MGAM: variants seen among roughly 807,000 people sequenced by gnomAD.
MGAM encodes the protein maltase-glucoamylase.
In MGAM, 253 loss-of-function variants were observed where a neutral mutation model predicts 358.8. The observed-to-expected ratio is 0.71, with a 90% confidence interval of 0.64 to 0.78. The LOEUF (loss-of-function observed/expected upper bound fraction) is 0.78. Among genes scored for constraint, MGAM ranks in the 30% least tolerant of loss-of-function variants. MGAM has a pLI of 0.00. For synonymous variants in MGAM, 1,105 were observed against 1,227.1 expected, an observed-to-expected ratio of 0.90 and a Z score of 2.08; for missense variants, 3,080 against 3,432.6, an observed-to-expected ratio of 0.90 and a Z score of 2.57.
chr7:142,062,699 G>A lies in MGAM; in HGVS notation c.4254G>A (p.Trp1418Ter). ...PERSLKFDGM[W>*]IDMNEPSSFV... ...GGAGCTTGAAGTTTGATGGCATGTG[G>A]ATTGTAAGTGTGTGTGTGTCTCTGT... Residue 1418 changes from tryptophan (W) to a stop codon, truncating the protein, a stop_gained, in exon 35 of 71, where the codon TGG becomes TGA. Coordinates refer to ENST00000475668, the MANE Select transcript of MGAM (RefSeq NM_001365693.1). LOFTEE classifies it high-confidence loss of function. 1 of 1,611,000 alleles carries A rather than the reference G, an allele frequency of 6.2e-7. No homozygotes were observed. The highest frequency in any genetic ancestry group is 8.5e-7 in the Non-Finnish European group (1 of 1,178,644).
At position 142,047,860 on chromosome 7, in the gene MGAM, T is replaced by C; in HGVS notation, c.2574T>C (p.Asn858=). 1 of 1,605,360 alleles carries C rather than the reference T, an allele frequency of 6.2e-7. No homozygotes were observed. Among genetic ancestry groups the C allele is most frequent in the South Asian group, 1.1e-5 (1 of 90,836 alleles). Reference sequence around the variant, plus strand: ...CAAAAGGAGAACTTTTCTGGGATAATGGGGAAACGAAGGGTGAGCACTTAT... The same window carrying C: ...CAAAAGGAGAACTTTTCTGGGATAACGGGGAAACGAAGGGTGAGCACTTAT... ...KEAKGELFWD[N]GETKDTVANK... is the part of the protein sequence containing the mutation. Residue 858 remains asparagine, a synonymous_variant, in exon 22 of 71, where the codon AAT becomes AAC. Coordinates refer to ENST00000475668, the MANE Select transcript of MGAM (RefSeq NM_001365693.1).
At chr7:142,017,429 C>T (rs1806054905) in intron 3 of MGAM, among the ~76,000 whole-genome samples, 1 of 152,014 alleles carries the variant, frequency 6.6e-6, no homozygotes, top group African/African-American at 2.4e-5. Context: ...ATGTCTCTTC[C>T]CACTTCTTGC....
chr7:142,102,758 C>A, intron 69 of MGAM, 79 bp downstream of exon 69: 1 of 1,331,244 alleles, frequency 7.5e-7, no homozygotes, highest in South Asian at 1.3e-5. Context: ...GCATAAAATA[C>A]CACCTAGAAT....
Position 142,034,670 on chromosome 7 carries a change from A to G in MGAM, c.1788A>G (p.Glu596=). The G allele has an allele frequency of 6.2e-7, 1 of 1,612,828 alleles. No individual in the cohort carries two copies. The highest frequency in any genetic ancestry group is 8.5e-7 in the Non-Finnish European group (1 of 1,179,270). The part of the protein sequence containing the change: ...YGYSMAVATA[E]AAKTVFPNKR... ...CTCCTTAAATCTCTCTCCCTTGCAG[A>G]GCTGCCAAGACTGTGTTCCCTAATA... Residue 596 remains glutamate (E), a splice_region_variant and synonymous_variant, in exon 16 of 71, where the codon GAA becomes GAG. Coordinates refer to ENST00000475668, the MANE Select transcript of MGAM (RefSeq NM_001365693.1).
rs757206388 is a variant in MGAM at position 142,058,158 on chromosome 7, T to C, written c.3694-45T>C. ...TATTACTTGATGTAAAACTTCAATG[T>C]GGTGCCTCTGTTCTGAAGACTAATA... On this transcript the variant is annotated intron_variant, in intron 30 of 70. Transcript: ENST00000475668. 6 of 1,612,024 alleles carry C rather than the reference T, an allele frequency of 3.7e-6. No homozygotes were observed. The East Asian group carries it at 8.9e-5, about 24-fold the overall frequency.
chr7:142,102,451 C>T (rs1353264565), intron 68 of MGAM, among the ~76,000 whole-genome samples, 179 bp from the exon 69 acceptor site: 8 of 152,132 alleles, frequency 5.3e-5, no homozygotes, highest in Admixed American at 3.9e-4. Context: ...TTTGATTAGT[C>T]TCCATAAAGA....
chr7:142,097,556 G>A, intron 65 of MGAM, 37 bp from the exon 66 acceptor site: 2 of 1,587,346 alleles, frequency 1.3e-6, no homozygotes, highest in South Asian at 1.1e-5. Flanking sequence ...CCTGGAAAAT[G>A]GTGCCACTGC....
At chr7:142,019,735 T>G (rs1380029351) in intron 4 of MGAM, among the ~76,000 whole-genome samples, 2 of 152,184 alleles carry the variant, frequency 1.3e-5, no homozygotes, top group Non-Finnish European at 2.9e-5. Flanking sequence ...ATATAAGTGT[T>G]CATGGAGTGA....
Position 142,025,147 on chromosome 7 carries a change from T to C in MGAM, c.980T>C (p.Met327Thr). 1 of 1,597,646 alleles carries C rather than the reference T, an allele frequency of 6.3e-7. No homozygotes were observed. Among genetic ancestry groups the C allele is most frequent in the Non-Finnish European group, 8.6e-7 (1 of 1,165,170 alleles). ...FGVFLMNSNA[M>T]EVVLQPAPAI... ...GTGTTTCTGATGAACAGCAATGCCATGGGTAAAGGAATATTCATGGAAAAA... is the reference window on the plus strand; with the variant it reads ...GTGTTTCTGATGAACAGCAATGCCACGGGTAAAGGAATATTCATGGAAAAA... Residue 327 changes from methionine to threonine, a missense_variant and splice_region_variant, in exon 8 of 71, where the codon ATG (methionine) becomes ACG (threonine). Met to Thr is a moderately conservative substitution (Grantham distance 81). This residue lies in a region of MGAM where 1,816 missense variants were observed against 1,840.5 expected (regional missense o/e 0.99). Transcript: ENST00000475668.
At chr7:142,096,938 T>C (rs1043491247) in intron 65 of MGAM, among the ~76,000 whole-genome samples, 8 of 151,340 alleles carry the variant, frequency 5.3e-5, no homozygotes, top group Admixed American at 1.3e-4. Context: ...TCTTTTTTTT[T>C]TTTTTTTTGA....
intron 40 of MGAM, among the ~76,000 whole-genome samples, 157 bp from the exon 41 acceptor site, chr7:142,066,416 T>C (rs1450566115): frequency 4.1e-5 from 6 of 146,380 alleles, no homozygotes; most frequent in African/African-American, 1.5e-4. Context: ...CTTTGGTGAC[T>C]CTTTCCGGTC....
At chr7:142,023,096 G>C (rs1806613911) in intron 7 of MGAM, among the ~76,000 whole-genome samples, 1 of 151,962 alleles carries the variant, frequency 6.6e-6, no homozygotes, top group African/African-American at 2.4e-5. Context: ...GGGTCTCACT[G>C]TCACCCAGGC....
upstream of MGAM, among the ~76,000 whole-genome samples, chr7:141,994,000 T>C (rs549423978): frequency 4.6e-5 from 7 of 152,240 alleles, no homozygotes; most frequent in African/African-American, 1.4e-4. Flanking sequence ...CGCAGCCTCA[T>C]GAGTAGCTGG....
Position 142,034,809 on chromosome 7 carries a change from G to T in MGAM, c.1927G>T (p.Val643Leu). The change falls in exon 16 of 71, where the codon GTG becomes TTG. Residue 643 changes from valine to leucine, a missense_variant. By Grantham distance (32) the Val-to-Leu change is conservative (BLOSUM62 1). Around this residue, in one of 5 missense-constraint regions of MGAM, gnomAD observed 1,816 missense variants for 1,840.5 expected, o/e 0.99. Transcript: ENST00000475668. The part of the protein sequence containing the change: ...WDDLRWSIPG[V>L]LEFNLFGIPM... Reference sequence around the variant, plus strand: ...TGACCTGAGATGGTCCATCCCTGGCGTGCTTGAGTTCAACCTTTTTGGCAT... The same window carrying T: ...TGACCTGAGATGGTCCATCCCTGGCTTGCTTGAGTTCAACCTTTTTGGCAT... The T allele has an allele frequency of 6.2e-7, 1 of 1,613,170 alleles. No individual in the cohort carries two copies. The highest frequency in any genetic ancestry group is 2.2e-5 in the East Asian group (1 of 44,838).
At chr7:142,070,708 T>C (rs1430448533) in intron 43 of MGAM, among the ~76,000 whole-genome samples, 1 of 145,970 alleles carries the variant, frequency 6.9e-6, no homozygotes, top group African/African-American at 2.4e-5. Context: ...GATGGTCCCT[T>C]AGGTTCTGAT....
rs190776577 is a variant in MGAM at position 142,049,149 on chromosome 7, C to T, written c.2588-1086C>T. On this transcript the variant is annotated intron_variant, in intron 22 of 70. Transcript: ENST00000475668. Reference sequence around the variant, plus strand: ...CTCTGGCTTATTTCACTTAGTATAACGTCCTCTAGATTCATCCATGCTGTT... The same window carrying T: ...CTCTGGCTTATTTCACTTAGTATAATGTCCTCTAGATTCATCCATGCTGTT... Among the ~76,000 whole-genome samples, 31 of 152,264 alleles carry T rather than the reference C, an allele frequency of 2.0e-4. No homozygotes were observed. The East Asian group carries it at 4.6e-3, about 23-fold the overall frequency.
intron 34 of MGAM, among the ~76,000 whole-genome samples, chr7:142,060,981 A>G (rs1812134920): frequency 6.6e-6 from 1 of 151,944 alleles, no homozygotes; most frequent in Non-Finnish European, 1.5e-5. Context: ...CTTGTAATGG[A>G]TCCAAGTAGT....
chr7:142,046,015 A>ATACATACAATATGTAATATATATTATAT (rs1463991059), intron 21 of MGAM, among the ~76,000 whole-genome samples: 86 of 123,790 alleles, frequency 6.9e-4, no homozygotes, highest in Non-Finnish European at 1.3e-3. Flanking sequence ...TATATTATGT[A>ATACATACAATATGTAATATATATTATAT]TACATACAAT....
chr7:142,011,537 A>T (rs1805597140), intron 3 of MGAM, among the ~76,000 whole-genome samples: 1 of 152,120 alleles, frequency 6.6e-6, no homozygotes. Context: ...AAGTGAAAGG[A>T]TGTAAGGGGA....
Sources: gnomAD v4.1 joint callset for allele counts (sites outside exome capture counted in the v4.1 genomes callset) on GRCh38, gnomAD v4.1.1 for gene constraint, gnomAD v4.1.1 regional missense constraint, MANE v1.5 for transcripts, NCBI Gene and HGNC (gene_info 2026-07-23, HGNC 2026-07-21) for gene names.